Variants in CTDSPL2 observed in about 807,000 individuals in gnomAD.
CTDSPL2 encodes the protein CTD small phosphatase-like protein 2.
A neutral mutation model predicts 60.0 loss-of-function variants in CTDSPL2; 5 were observed. The ratio of observed to expected loss-of-function variants is 0.08; its 90% CI spans 0.04 to 0.18. The LOEUF is 0.18. CTDSPL2 is among the 10% of genes least tolerant of loss of function. CTDSPL2 has a pLI of 1.00. For missense variants in CTDSPL2, 370 were observed against 548.8 expected, an observed-to-expected ratio of 0.67 and a Z score of 3.26; for synonymous variants, 186 against 189.3, an observed-to-expected ratio of 0.98 and a Z score of 0.14.
At chr15:44,458,333 A>G (rs926425005) in intron 1 of CTDSPL2, among the ~76,000 whole-genome samples, 1 of 152,230 alleles carries the variant, frequency 6.6e-6, no homozygotes, top group African/African-American at 2.4e-5. Context: ...TTTGCCAGCA[A>G]TTAATTGTCT....
At chr15:44,449,225 A>C (rs1420448938) in intron 1 of CTDSPL2, 2 of 268,958 alleles carry the variant, frequency 7.4e-6, no homozygotes, top group Non-Finnish European at 1.6e-5. Flanking sequence ...TGGCATGTTC[A>C]CTATCAGGAT....
intron 2 of CTDSPL2, among the ~76,000 whole-genome samples, chr15:44,478,960 CAAAAACAAATA>C (rs942994962): frequency 1.3e-4 from 20 of 150,644 alleles, no homozygotes; most frequent in African/African-American, 4.6e-4. Context: ...TAGCCTGTCT[CAAAAACAAATA>C]AAAAATAATA....
chr15:44,494,075 AT>A (rs1595756664), intron 5 of CTDSPL2, among the ~76,000 whole-genome samples: 1 of 152,152 alleles, frequency 6.6e-6, no homozygotes, highest in Non-Finnish European at 1.5e-5. Flanking sequence ...GACTATAGAA[AT>A]TTTTATTGGG....
chr15:44,493,513 G>C (rs2081250007), intron 5 of CTDSPL2, among the ~76,000 whole-genome samples: 1 of 152,158 alleles, frequency 6.6e-6, no homozygotes, highest in African/African-American at 2.4e-5. Context: ...AATATTCTTG[G>C]CTGGGTGCCG....
chr15:44,477,361 C>T (rs1202981244), intron 2 of CTDSPL2, among the ~76,000 whole-genome samples: 9 of 150,828 alleles, frequency 6.0e-5, no homozygotes, highest in African/African-American at 2.0e-4. Flanking sequence ...AGCAAAACCC[C>T]GTCTCTACAA....
At chr15:44,434,156 C>T (rs568304636) in intron 1 of CTDSPL2, among the ~76,000 whole-genome samples, 57 of 152,010 alleles carry the variant, frequency 3.7e-4, no homozygotes, top group African/African-American at 1.4e-3. Context: ...AATCCCAGCA[C>T]TTTGGGAGGC....
chr15:44,499,982 A>G (rs1050153607), intron 8 of CTDSPL2, among the ~76,000 whole-genome samples, 169 bp downstream of exon 8: 1 of 152,202 alleles, frequency 6.6e-6, no homozygotes, highest in African/African-American at 2.4e-5. Flanking sequence ...ATCATGCTAG[A>G]TATTACATAA....
chr15:44,441,543 G>A (rs576829879), intron 1 of CTDSPL2, among the ~76,000 whole-genome samples: 71 of 152,282 alleles, frequency 4.7e-4, no homozygotes, highest in South Asian at 2.3e-3. Flanking sequence ...GCCTTCAGCA[G>A]TTTGTTAACA....
intron 12 of CTDSPL2, among the ~76,000 whole-genome samples, chr15:44,523,445 T>TA (rs1215004063): frequency 7.2e-6 from 1 of 138,706 alleles, no homozygotes; most frequent in Non-Finnish European, 1.6e-5. Context: ...CATACATACA[T>TA]AAGCAAGCAA....
intron 7 of CTDSPL2, among the ~76,000 whole-genome samples, 187 bp downstream of exon 7, chr15:44,497,325 T>C (rs1410081125): frequency 2.6e-5 from 4 of 152,196 alleles, no homozygotes; most frequent in African/African-American, 9.6e-5. Flanking sequence ...TTTTTACATA[T>C]ATATTATACC....
chr15:44,499,620 T>C, intron 7 of CTDSPL2, 107 bp from the exon 8 acceptor site: 1 of 641,654 alleles, frequency 1.6e-6, no homozygotes, highest in South Asian at 2.0e-5. Context: ...AATGTAAAAT[T>C]CAACATATGA....
intron 2 of CTDSPL2, among the ~76,000 whole-genome samples, chr15:44,461,251 TC>T (rs1185147991): frequency 6.6e-6 from 1 of 152,202 alleles, no homozygotes; most frequent in Non-Finnish European, 1.5e-5. Context: ...ATGCTGACTC[TC>T]CCATGTGGTT....
chr15:44,523,429 TAC>T (rs2081819957), intron 12 of CTDSPL2, among the ~76,000 whole-genome samples: 1 of 144,946 alleles, frequency 6.9e-6, no homozygotes, highest in Non-Finnish European at 1.6e-5. Context: ...CATACATACA[TAC>T]ATACATACAT....
At chr15:44,438,263 C>CA (rs35595063) in intron 1 of CTDSPL2, among the ~76,000 whole-genome samples, 24,493 of 101,920 alleles carry the variant, frequency 0.24, 2,144 homozygotes, top group Middle Eastern at 0.26. Context: ...GACTCCGTCT[C>CA]AAAAAAAAAA....
At chr15:44,464,730 A>G (rs115421535) in intron 2 of CTDSPL2, among the ~76,000 whole-genome samples, 4,592 of 152,162 alleles carry the variant, frequency 0.03, 250 homozygotes, top group African/African-American at 0.11. Flanking sequence ...TATGTGAGAC[A>G]GAGTCTCTCT....
chr15:44,463,141 GTTGATTGA>G (rs770677666), intron 2 of CTDSPL2, among the ~76,000 whole-genome samples: 32 of 151,896 alleles, frequency 2.1e-4, no homozygotes, highest in Non-Finnish European at 7.4e-5. Context: ...GTAAGCTAAT[GTTGATTGA>G]TTGATTGATT....
intron 2 of CTDSPL2, 80 bp downstream of exon 2, chr15:44,459,280 C>A: frequency 3.1e-6 from 3 of 973,762 alleles, no homozygotes; most frequent in South Asian, 1.9e-5. Flanking sequence ...GTAATCCCAG[C>A]ACTTTGAGAG....
intron 1 of CTDSPL2, among the ~76,000 whole-genome samples, chr15:44,446,243 A>T (rs2080212646): frequency 6.6e-6 from 1 of 152,280 alleles, no homozygotes; most frequent in African/African-American, 2.4e-5. Flanking sequence ...CAGCTTTTAC[A>T]GGTTAATTTT....
chr15:44,436,311 A>G (rs1390613776), intron 1 of CTDSPL2, among the ~76,000 whole-genome samples: 7 of 152,114 alleles, frequency 4.6e-5, no homozygotes, highest in African/African-American at 1.4e-4. Context: ...GTCCAATAAC[A>G]TTTGTGTTTT....
Sources: gnomAD v4.1 joint callset for allele counts (sites outside exome capture counted in the v4.1 genomes callset) on GRCh38, gnomAD v4.1.1 for gene constraint, MANE v1.5 for transcripts, NCBI Gene and HGNC (gene_info 2026-07-23, HGNC 2026-07-21) for gene names.